The following EPB41L4B variants were observed in gnomAD, a reference collection of about 807,000 sequenced individuals.
EPB41L4B encodes the protein erythrocyte membrane protein band 4.1 like 4B, also known as band 4.1-like protein 4B.
In EPB41L4B, 30 loss-of-function variants were observed where a neutral mutation model predicts 112.5. The observed-to-expected ratio is 0.27, with a 90% confidence interval of 0.20 to 0.36. The LOEUF is 0.36. Ranked by LOEUF, EPB41L4B falls within the 10% of genes least tolerant of loss-of-function variation. The pLI is 1.00. For missense variants in EPB41L4B, 1,024 were observed against 1,133.3 expected, an observed-to-expected ratio of 0.90 and a Z score of 1.38; for synonymous variants, 408 against 439.7, an observed-to-expected ratio of 0.93 and a Z score of 0.90.
chr9:109,319,651 C>G (rs1245053217), intron 1 of EPB41L4B, among the ~76,000 whole-genome samples: 1 of 152,240 alleles, frequency 6.6e-6, no homozygotes, highest in African/African-American at 2.4e-5. Flanking sequence ...GCGAGGGGAT[C>G]TCCTCTCTGC....
At chr9:109,226,763 T>TGA (rs1833793342) in intron 15 of EPB41L4B, among the ~76,000 whole-genome samples, 1 of 145,480 alleles carries the variant, frequency 6.9e-6, no homozygotes, top group Non-Finnish European at 1.5e-5. Flanking sequence ...AGAATATATA[T>TGA]ATATGAATAT....
chr9:109,320,307 G>T lies in EPB41L4B; in HGVS notation c.140C>A (p.Ser47Tyr). ...PRGGPAAAAS[S>Y]SALPAAPGGS... The stretch of plus-strand genomic sequence containing the variant: ...CCCGGGCGCGGCGGGCAGCGCCGAG[G>T]AGGAGGCGGCGGCGGCCGGGCCCCC... Residue 47 changes from serine (S) to tyrosine (Y), a missense_variant, in exon 1 of 26, where the codon TCC becomes TAC. Coordinates refer to ENST00000374566, the MANE Select transcript of EPB41L4B (RefSeq NM_019114.5). The T allele has an allele frequency of 9.7e-7, 1 of 1,030,890 alleles. No individual in the cohort carries two copies. Among genetic ancestry groups the T allele is most frequent in the Non-Finnish European group, 1.2e-6 (1 of 860,688 alleles). The allele number at this position is 1,030,890 out of a possible 1,614,324, so 63.9% of individuals were successfully genotyped here. A position where few individuals can be genotyped will look rare whatever the true frequency, so the allele number is the denominator to read the frequency against.
At chr9:109,314,330 C>T (rs1052043369) in intron 1 of EPB41L4B, among the ~76,000 whole-genome samples, 5 of 152,232 alleles carry the variant, frequency 3.3e-5, no homozygotes, top group African/African-American at 9.6e-5. Flanking sequence ...CCACCCCCAT[C>T]GACCTTCTGC....
chr9:109,301,681 A>G (rs1836972785), intron 1 of EPB41L4B, among the ~76,000 whole-genome samples: 3 of 152,236 alleles, frequency 2.0e-5, no homozygotes, highest in African/African-American at 7.2e-5. Context: ...TTCAATATGC[A>G]GTTTTGGCTA....
At chr9:109,247,832 T>C (rs544623934) in intron 13 of EPB41L4B, 43 bp from the exon 14 acceptor site, 137 of 1,397,438 alleles carry the variant, frequency 9.8e-5, no homozygotes, top group Non-Finnish European at 1.1e-4. Flanking sequence ...AAAAGAAAAA[T>C]AGGTTGTAGA....
At chr9:109,289,774 CA>C (rs754954859) in intron 1 of EPB41L4B, among the ~76,000 whole-genome samples, 3 of 152,228 alleles carry the variant, frequency 2.0e-5, no homozygotes, top group Non-Finnish European at 2.9e-5. Context: ...AAAATGCTAA[CA>C]AGTCCTAGGT....
In EPB41L4B at chr9:109,203,559, T is replaced by C. The variant is rs1300725082; in HGVS notation, c.1946+104A>G. On this transcript the variant is annotated intron_variant, in intron 19 of 25. Transcript: ENST00000374566. ...TTGGGCTCCTATTCTCTGTTTTATT[T>C]GTCCTCTGATTTTATCAGCTAATGC... is the stretch of plus-strand genomic sequence containing the variant. 14 of 945,992 alleles carry C rather than the reference T, an allele frequency of 1.5e-5. No homozygotes were observed. The East Asian group carries it at 3.5e-4, about 24-fold the overall frequency. The allele number at this position is 945,992 out of a possible 1,614,324, so 58.6% of individuals were successfully genotyped here.
At chr9:109,182,925 G>T (rs1203014115) in intron 23 of EPB41L4B, 128 bp from the exon 24 acceptor site, 2 of 675,174 alleles carry the variant, frequency 3.0e-6, no homozygotes, top group East Asian at 5.3e-5. Context: ...TTCATCACTC[G>T]TGTAAGGGCA....
rs1419971457 is a variant in EPB41L4B at position 109,320,123 on chromosome 9, A to C, written c.306+18T>G. ...GGGGCGCGAGGTGCCAGTGCCCCAG[A>C]CTGGCCCCGTCACTCACCGGCAGGT... is the stretch of plus-strand genomic sequence containing the variant. On this transcript the variant is annotated intron_variant, in intron 1 of 25. Transcript: ENST00000374566. 1.4e-6 allele frequency: 2 copies of C among 1,436,418 alleles called. No individual in the cohort carries two copies. The highest frequency in any genetic ancestry group is 1.8e-6 in the Non-Finnish European group (2 of 1,091,238). The allele number at this position is 1,436,418 out of a possible 1,614,324, so 89.0% of individuals were successfully genotyped here.
At chr9:109,279,206 T>G (rs189896360) in intron 2 of EPB41L4B, among the ~76,000 whole-genome samples, 1 of 151,978 alleles carries the variant, frequency 6.6e-6, no homozygotes, top group African/African-American at 2.4e-5. Flanking sequence ...TCCTTTTTTT[T>G]TTTTTTTCAG....
chr9:109,301,726 C>T (rs1227011126), intron 1 of EPB41L4B, among the ~76,000 whole-genome samples: 1 of 152,158 alleles, frequency 6.6e-6, no homozygotes, highest in Admixed American at 6.5e-5. Flanking sequence ...CTTCCTGTGC[C>T]ATCTTATATG....
intron 24 of EPB41L4B, 46 bp downstream of exon 24, chr9:109,182,683 G>A (rs773841960): frequency 7.0e-7 from 1 of 1,434,700 alleles, no homozygotes; most frequent in South Asian, 1.2e-5. Flanking sequence ...CACACCGCAT[G>A]GGAACAAGGG....
At chr9:109,308,519 A>G (rs1175058970) in intron 1 of EPB41L4B, among the ~76,000 whole-genome samples, 1 of 152,222 alleles carries the variant, frequency 6.6e-6, no homozygotes, top group Non-Finnish European at 1.5e-5. Context: ...AAATGCAATG[A>G]AAGAACCTTG....
chr9:109,231,175 G>T (rs1369178504), intron 15 of EPB41L4B, among the ~76,000 whole-genome samples: 9 of 140,758 alleles, frequency 6.4e-5, no homozygotes, highest in Admixed American at 6.2e-4. Context: ...AAAAAAAAAA[G>T]GTCAAAACTG....
intron 1 of EPB41L4B, among the ~76,000 whole-genome samples, chr9:109,316,427 G>A (rs1038323941): frequency 1.3e-5 from 2 of 152,214 alleles, no homozygotes; most frequent in Non-Finnish European, 2.9e-5. Flanking sequence ...TCAACAGAGA[G>A]CTAATATGAG....
At chr9:109,174,706 T>C in intron 25 of EPB41L4B, 83 bp from the exon 26 acceptor site, 1 of 1,130,174 alleles carries the variant, frequency 8.8e-7, no homozygotes, top group Non-Finnish European at 1.3e-6. Context: ...TCTCCCAGGT[T>C]CTTTCCTGAT....
rs755831558 is a variant in EPB41L4B, at chr9:109,200,287, T to C, written c.1994A>G (p.Lys665Arg). ...RVETAQPAVE[K>R]PEIKPPRVRK... ...CACTCGGGGAGGCTTGATTTCCGGC[T>C]TTTCCACAGCTGGCTGGGCAGTTTC... Residue 665 changes from lysine to arginine, a missense_variant, in exon 20 of 26, where the codon AAG (lysine) becomes AGG (arginine). By Grantham distance (26) the Lys-to-Arg change is conservative. Coordinates refer to ENST00000374566, the MANE Select transcript of EPB41L4B (RefSeq NM_019114.5). 1 of 1,614,154 alleles carries C rather than the reference T, an allele frequency of 6.2e-7. No homozygotes were observed. The highest frequency in any genetic ancestry group is 2.2e-5 in the East Asian group (1 of 44,884).
In EPB41L4B at chr9:109,211,335, C is replaced by T. The variant is rs553625519; in HGVS notation, c.1752+2365G>A. Among the ~76,000 whole-genome samples, 13 of 152,260 alleles carry T rather than the reference C, an allele frequency of 8.5e-5. No homozygotes were observed. The East Asian group carries it at 2.5e-3, about 29-fold the overall frequency. On this transcript the variant is annotated intron_variant, in intron 17 of 25. Coordinates refer to ENST00000374566, the MANE Select transcript of EPB41L4B (RefSeq NM_019114.5). Reference sequence around the variant, plus strand: ...TGTGGCCAGGCATGGTGGCTCATGCCTGTAATCCCAGCCATTTGGGAGGCT... The same window carrying T: ...TGTGGCCAGGCATGGTGGCTCATGCTTGTAATCCCAGCCATTTGGGAGGCT...
chr9:109,306,543 G>A (rs1837199950), intron 1 of EPB41L4B, among the ~76,000 whole-genome samples: 1 of 152,222 alleles, frequency 6.6e-6, no homozygotes, highest in African/African-American at 2.4e-5. Context: ...AACCTGGGAG[G>A]CGGAGGTTGC....
Sources: allele counts gnomAD v4.1 joint callset (sites outside exome capture counted in the v4.1 genomes callset), GRCh38; gene constraint gnomAD v4.1.1; transcripts MANE v1.5; gene names NCBI Gene and HGNC (gene_info 2026-07-23, HGNC 2026-07-21).